The following ICA1L variants were observed in gnomAD, a reference collection of about 807,000 sequenced individuals.
The protein encoded by ICA1L is islet cell autoantigen 1 like.
Under a neutral mutation model 61.3 loss-of-function variants are expected in ICA1L, and 50 were observed. That is an observed-to-expected ratio of 0.82 (90% CI 0.65 to 1.03). The LOEUF (loss-of-function observed/expected upper bound fraction) is 1.03. Ranked by LOEUF, ICA1L falls within the 50% of genes least tolerant of loss-of-function variation. The probability of loss-of-function intolerance (pLI) is 0.00; values close to 1 mark genes in which losing one functional copy is unlikely to be tolerated. For synonymous variants in ICA1L, 161 were observed against 191.3 expected (o/e 0.84, Z 1.31); for missense variants, 508 against 556.7 (o/e 0.91, Z 0.88).
chr2:202,814,073 G>A (rs555206011), intron 8 of ICA1L, among the ~76,000 whole-genome samples: 52 of 152,110 alleles, frequency 3.4e-4, no homozygotes, highest in Non-Finnish European at 7.4e-4. Flanking sequence ...AAAAATTCGT[G>A]TAGGATCTGG....
chr2:202,817,597 T>TATCTG, intron 5 of ICA1L, 54 bp from the exon 6 acceptor site: 1 of 1,007,258 alleles, frequency 9.9e-7, no homozygotes, highest in Non-Finnish European at 1.4e-6. Context: ...ATATAGTATG[T>TATCTG]TATTACAGAC....
intron 10 of ICA1L, among the ~76,000 whole-genome samples, chr2:202,789,711 G>A (rs1692689691): frequency 6.6e-6 from 1 of 152,126 alleles, no homozygotes; most frequent in Admixed American, 6.5e-5. Context: ...ACCAAACAAC[G>A]TTGAAAAGGG....
In ICA1L at chr2:202,777,766, GT is replaced by G. The variant is rs1692269773; in HGVS notation, c.*1766del. On this transcript the variant is annotated 3_prime_UTR_variant, in exon 13 of 13. Coordinates refer to ENST00000358299, the MANE Select transcript of ICA1L (RefSeq NM_001288622.3). ...TGCATTTTACCTACTCTGGTCCAAT[GT>G]TTTCTATGTACCATGACAAACATTA... The G allele has an allele frequency of 1.3e-5, 2 of 150,450 alleles. No individual in the cohort carries two copies. The highest frequency in any genetic ancestry group is 4.9e-5 in the African/African-American group (2 of 40,782). The allele number at this position is 150,450 out of a possible 1,614,324, so 9.3% of individuals were successfully genotyped here. A position where few individuals can be genotyped will look rare whatever the true frequency, so the allele number is the denominator to read the frequency against.
Position 202,840,984 on chromosome 2 carries a change from T to G in ICA1L, c.-7-11968A>C, listed in dbSNP as rs762757698. Reference sequence around the variant, plus strand: ...GCTGTGGTTGGCCATCTCCTCATACTGCGCCTTGACCTCAGCGATGATGCT... The same window carrying G: ...GCTGTGGTTGGCCATCTCCTCATACGGCGCCTTGACCTCAGCGATGATGCT... On this transcript the variant is annotated intron_variant, in intron 1 of 12. Transcript: ENST00000358299. 5.9e-6 allele frequency: 4 copies of G among 678,834 alleles called. No homozygotes were observed. In the East Asian group the frequency reaches 1.0e-4, roughly 18 times the overall value. The allele number at this position is 678,834 out of a possible 1,614,324, so 42.1% of individuals were successfully genotyped here.
At chr2:202,866,214 C>T (rs1169034407) in intron 1 of ICA1L, among the ~76,000 whole-genome samples, 1 of 152,120 alleles carries the variant, frequency 6.6e-6, no homozygotes, top group Non-Finnish European at 1.5e-5. Context: ...GGGCAGATTC[C>T]TCCTGAATGG....
intron 8 of ICA1L, among the ~76,000 whole-genome samples, chr2:202,813,958 T>G (rs1346175649): frequency 1.3e-5 from 2 of 152,148 alleles, no homozygotes; most frequent in Admixed American, 1.3e-4. Context: ...CTAGAGGTAC[T>G]TGTGGCTCTT....
intron 1 of ICA1L, chr2:202,869,680 G>A (rs1337466217): frequency 6.6e-6 from 1 of 151,892 alleles, no homozygotes; most frequent in Non-Finnish European, 1.5e-5. Context: ...TGTTACTTTA[G>A]TCTTTTTTTT....
In ICA1L at chr2:202,774,295, G is replaced by A; in HGVS notation, c.*5238C>T. 6.6e-7 allele frequency: 1 copy of A among 1,523,036 alleles called. No individual in the cohort carries two copies. The highest frequency in any genetic ancestry group is 8.8e-7 in the Non-Finnish European group (1 of 1,139,098). 94.3% of individuals were successfully genotyped at this position (1,523,036 alleles called of 1,614,324 possible). A position where few individuals can be genotyped will look rare whatever the true frequency, so the allele number is the denominator to read the frequency against. The stretch of plus-strand genomic sequence containing the variant: ...CCGACGCGTGCAGGCACCTACGGGC[G>A]ACCGCGGACGGCGGCGCGCGCGTTC... On this transcript the variant is annotated 3_prime_UTR_variant, in exon 13 of 13. Transcript: ENST00000358299.
intron 1 of ICA1L, among the ~76,000 whole-genome samples, chr2:202,858,944 G>A (rs973163204): frequency 6.6e-6 from 1 of 152,166 alleles, no homozygotes; most frequent in African/African-American, 2.4e-5. Context: ...TTCTCAGGAC[G>A]TATCCCTGTT....
chr2:202,777,395 CAG>C lies in ICA1L; in HGVS notation c.*2136_*2137del, dbSNP rs770869497. The C allele has an allele frequency of 2.0e-5, 3 of 152,132 alleles. No homozygotes were observed. Among genetic ancestry groups the C allele is most frequent in the African/African-American group, 7.2e-5 (3 of 41,408 alleles). The allele number at this position is 152,132 out of a possible 1,614,324, so 9.4% of individuals were successfully genotyped here. Reference sequence around the variant, plus strand: ...TGAGGCACTCAAAAGTTGAGAGCATCAGAGTCACCATGGGTATAGAATTCAGA... The same window carrying C: ...TGAGGCACTCAAAAGTTGAGAGCATCAGTCACCATGGGTATAGAATTCAGA... On this transcript the variant is annotated 3_prime_UTR_variant, in exon 13 of 13. Transcript: ENST00000358299.
chr2:202,773,901 A>AT lies in ICA1L; in HGVS notation c.*5631dup. On this transcript the variant is annotated 3_prime_UTR_variant, in exon 13 of 13. Transcript: ENST00000358299. Reference sequence around the variant, plus strand: ...CAGTCCTGCTAAATAAACCAGTGGAATAAGAACAGTCAACGTAGAAAGAGA... The same window carrying AT: ...CAGTCCTGCTAAATAAACCAGTGGAATTAAGAACAGTCAACGTAGAAAGAGA... 8.0e-7 allele frequency: 1 copy of AT among 1,253,914 alleles called. No homozygotes were observed. Among genetic ancestry groups the AT allele is most frequent in the Non-Finnish European group, 1.2e-6 (1 of 859,734 alleles). 77.7% of individuals were successfully genotyped at this position (1,253,914 alleles called of 1,614,324 possible). A position where few individuals can be genotyped will look rare whatever the true frequency, so the allele number is the denominator to read the frequency against.
intron 10 of ICA1L, among the ~76,000 whole-genome samples, chr2:202,793,398 G>C (rs1240413503): frequency 7.1e-6 from 1 of 141,272 alleles, no homozygotes; most frequent in African/African-American, 2.6e-5. Context: ...CTCACACTTA[G>C]CAAATCCCAG....
chr2:202,788,823 CACTT>C lies in ICA1L; in HGVS notation c.1243+3_1243+6del, dbSNP rs778297064. On this transcript the variant is annotated splice_donor_5th_base_variant and intron_variant, in intron 11 of 12. Coordinates refer to ENST00000358299, the MANE Select transcript of ICA1L (RefSeq NM_001288622.3). ...CACATATGTCCAAATGTTTCATAGA[CACTT>C]ACTGTTGAACGCTCCAGCCACATGA... is the stretch of plus-strand genomic sequence containing the variant. The C allele has an allele frequency of 1.2e-6, 2 of 1,613,826 alleles. No homozygotes were observed. The highest frequency in any genetic ancestry group is 1.1e-5 in the South Asian group (1 of 91,002).
chr2:202,794,165 C>T (rs1199772755), intron 10 of ICA1L, among the ~76,000 whole-genome samples: 1 of 150,694 alleles, frequency 6.6e-6, no homozygotes, highest in Non-Finnish European at 1.5e-5. Flanking sequence ...GACATAGATA[C>T]TGAAAAAGCT....
intron 1 of ICA1L, among the ~76,000 whole-genome samples, chr2:202,864,161 G>T (rs1483390854): frequency 1.3e-5 from 2 of 152,100 alleles, no homozygotes; most frequent in Admixed American, 6.6e-5. Flanking sequence ...GAAGAGGAAA[G>T]AATAGTTCCC....
chr2:202,824,246 CA>C (rs1693773358), intron 3 of ICA1L, among the ~76,000 whole-genome samples: 1 of 152,016 alleles, frequency 6.6e-6, no homozygotes, highest in Non-Finnish European at 1.5e-5. Context: ...ACTAAAAATA[CA>C]AAAATTGGCC....
chr2:202,830,611 T>G (rs2105861677), intron 1 of ICA1L, among the ~76,000 whole-genome samples: 1 of 152,360 alleles, frequency 6.6e-6, no homozygotes, highest in Admixed American at 6.5e-5. Flanking sequence ...AGTATGTGAC[T>G]CATTCGTTAT....
intron 9 of ICA1L, among the ~76,000 whole-genome samples, 168 bp from the exon 10 acceptor site, chr2:202,797,132 T>TTTTGTGTGTGTGTGTGTGTG (rs1553532256): frequency 2.0e-5 from 3 of 147,726 alleles, no homozygotes; most frequent in Admixed American, 1.4e-4. Flanking sequence ...AAAATCACAT[T>TTTTGTGTGTGTGTGTGTGTG]TGTGTGTGTG....
At chr2:202,795,828 A>G (rs1361022128) in intron 10 of ICA1L, among the ~76,000 whole-genome samples, 1 of 152,074 alleles carries the variant, frequency 6.6e-6, no homozygotes, top group Non-Finnish European at 1.5e-5. Context: ...AGATCACTTG[A>G]GGCCAGGAAT....
Sources: gnomAD v4.1 joint callset for allele counts (sites outside exome capture counted in the v4.1 genomes callset) on GRCh38, gnomAD v4.1.1 for gene constraint, MANE v1.5 for transcripts, NCBI Gene and HGNC (gene_info 2026-07-23, HGNC 2026-07-21) for gene names.